SETD7: variants seen among roughly 807,000 people sequenced by gnomAD.
The protein encoded by SETD7 is histone-lysine N-methyltransferase SETD7.
SETD7 carries 16 observed loss-of-function variants against 41.8 expected under a neutral mutation model. The ratio of observed to expected loss-of-function variants is 0.38; its 90% CI spans 0.26 to 0.58. SETD7 has a LOEUF of 0.58. Ranked by LOEUF, SETD7 falls within the 20% of genes least tolerant of loss-of-function variation. The probability of loss-of-function intolerance (pLI) is 0.64; values close to 1 mark genes in which losing one functional copy is unlikely to be tolerated. For missense variants in SETD7, 346 were observed against 459.7 expected, an observed-to-expected ratio of 0.75 and a Z score of 2.26; for synonymous variants, 163 against 169.7, an observed-to-expected ratio of 0.96 and a Z score of 0.31.
chr4:139,507,433 G>C lies in SETD7; in HGVS notation c.*4230C>G, dbSNP rs1726739552. The C allele has an allele frequency of 6.6e-6, 1 of 152,586 alleles. No homozygotes were observed. The highest frequency in any genetic ancestry group is 1.5e-5 in the Non-Finnish European group (1 of 68,028). The allele number at this position is 152,586 out of a possible 1,614,324, so 9.5% of individuals were successfully genotyped here. ...AGAGTCAGAGTTATTGTAGGCTTTT[G>C]ATTTTTAAAAATCAAAATTGATCTG... On this transcript the variant is annotated 3_prime_UTR_variant, in exon 8 of 8. Transcript: ENST00000274031.
intron 3 of SETD7, chr4:139,532,697 TA>T (rs1273260414): frequency 5.8e-6 from 1 of 173,550 alleles, no homozygotes; most frequent in African/African-American, 2.4e-5. Flanking sequence ...TAAAATACCT[TA>T]AAAAGCAGTT....
intron 2 of SETD7, among the ~76,000 whole-genome samples, chr4:139,544,500 C>T (rs957071530): frequency 2.0e-5 from 3 of 152,004 alleles, no homozygotes; most frequent in African/African-American, 7.2e-5. Flanking sequence ...CTGGGGTAAG[C>T]GGATGAAGCT....
chr4:139,517,629 C>T (rs768899425), intron 7 of SETD7, among the ~76,000 whole-genome samples: 5 of 152,076 alleles, frequency 3.3e-5, no homozygotes, highest in African/African-American at 9.7e-5. Context: ...AAACAGCAAC[C>T]CCTCGGTGTG....
chr4:139,531,382 A>G (rs948672840), intron 3 of SETD7, among the ~76,000 whole-genome samples: 3 of 152,082 alleles, frequency 2.0e-5, no homozygotes, highest in Non-Finnish European at 4.4e-5. Context: ...TCCTATACTC[A>G]TCTCTATGTA....
chr4:139,510,019 G>T lies in SETD7; in HGVS notation c.*1644C>A. ...AATGTGCCCAAGGGCCACCTGAAAT[G>T]AAAGTCATGAGCAGCCTGGGATTAA... On this transcript the variant is annotated 3_prime_UTR_variant, in exon 8 of 8. Coordinates refer to ENST00000274031, the MANE Select transcript of SETD7 (RefSeq NM_030648.4). The T allele has an allele frequency of 3.3e-6, 1 of 303,718 alleles. No individual in the cohort carries two copies. The highest frequency in any genetic ancestry group is 4.8e-6 in the Non-Finnish European group (1 of 206,666). The allele number at this position is 303,718 out of a possible 1,614,324, so 18.8% of individuals were successfully genotyped here. A position where few individuals can be genotyped will look rare whatever the true frequency, so the allele number is the denominator to read the frequency against.
At chr4:139,513,409 G>C (rs1213933622) in intron 7 of SETD7, among the ~76,000 whole-genome samples, 2 of 143,884 alleles carry the variant, frequency 1.4e-5, no homozygotes, top group African/African-American at 5.1e-5. Flanking sequence ...GACAGAGTGA[G>C]ACTTTGTCTC....
chr4:139,519,527 G>A (rs754112083), intron 6 of SETD7, among the ~76,000 whole-genome samples: 3 of 152,162 alleles, frequency 2.0e-5, no homozygotes, highest in Non-Finnish European at 4.4e-5. Context: ...TGAATACGTC[G>A]CCCTCTTTTG....
intron 3 of SETD7, among the ~76,000 whole-genome samples, chr4:139,531,145 T>A (rs937757398): frequency 1.3e-5 from 2 of 152,210 alleles, no homozygotes; most frequent in Non-Finnish European, 2.9e-5. Context: ...TGCTCACCAA[T>A]GCTCCTTCCT....
chr4:139,499,579 C>T (rs1579194130), intron 7 of SETD7, among the ~76,000 whole-genome samples: 1 of 152,292 alleles, frequency 6.6e-6, no homozygotes, highest in East Asian at 1.9e-4. Context: ...ACTGATTCAG[C>T]TGCATGAAGA....
At chr4:139,532,166 G>A (rs1727498956) in intron 3 of SETD7, among the ~76,000 whole-genome samples, 1 of 152,124 alleles carries the variant, frequency 6.6e-6, no homozygotes, top group African/African-American at 2.4e-5. Flanking sequence ...TTCTAGCCAG[G>A]TGCAATGGCT....
chr4:139,501,590 T>A (rs980738877), downstream of SETD7, among the ~76,000 whole-genome samples: 8 of 148,024 alleles, frequency 5.4e-5, no homozygotes, highest in Non-Finnish European at 1.2e-4. Context: ...TGAAATATAT[T>A]TTTTAAAAAG....
At position 139,523,518 on chromosome 4, in the gene SETD7, G is replaced by A. The variant is rs924388462; in HGVS notation, c.563-83C>T. ...CACTTCTCTCTATTCATGGGACAACGAAGAGTTAAAAAACCAAAAATCTTA... is the reference window on the plus strand; with the variant it reads ...CACTTCTCTCTATTCATGGGACAACAAAGAGTTAAAAAACCAAAAATCTTA... On this transcript the variant is annotated intron_variant, in intron 4 of 7. Coordinates refer to ENST00000274031, the MANE Select transcript of SETD7 (RefSeq NM_030648.4). 36 of 1,035,030 alleles carry A rather than the reference G, an allele frequency of 3.5e-5. No individual in the cohort carries two copies. The Middle Eastern group carries it at 6.4e-4, about 18-fold the overall frequency. The allele number at this position is 1,035,030 out of a possible 1,614,324, so 64.1% of individuals were successfully genotyped here.
Position 139,546,934 on chromosome 4 carries a change from G to A in SETD7, c.156C>T (p.Phe52=). 6.2e-7 allele frequency: 1 copy of A among 1,614,200 alleles called. No homozygotes were observed. Among genetic ancestry groups the A allele is most frequent in the Non-Finnish European group, 8.5e-7 (1 of 1,180,034 alleles). ...GTGAGTGCTACCTGCCATCAAAGAA[G>A]AAGAACTTCCCCCGTCCGTTCTTTT... The part of the protein sequence containing the change: ...HGEKNGRGKF[F]FFDGSTLEGY... Residue 52 remains phenylalanine, a synonymous_variant, in exon 2 of 8, where the codon TTC becomes TTT. Transcript: ENST00000274031.
chr4:139,507,105 CG>C lies in SETD7; in HGVS notation c.*4557del, dbSNP rs1726723331. 4 of 152,812 alleles carry C rather than the reference CG, an allele frequency of 2.6e-5. No individual in the cohort carries two copies. The highest frequency in any genetic ancestry group is 9.6e-5 in the African/African-American group (4 of 41,588). The allele number at this position is 152,812 out of a possible 1,614,324, so 9.5% of individuals were successfully genotyped here. A position where few individuals can be genotyped will look rare whatever the true frequency, so the allele number is the denominator to read the frequency against. ...ACTCCACTGAGGGCAGCCTCCCTGA[CG>C]TGTGTGACTAGGCAGTAAGGGTGGC... On this transcript the variant is annotated 3_prime_UTR_variant, in exon 8 of 8. Coordinates refer to ENST00000274031, the MANE Select transcript of SETD7 (RefSeq NM_030648.4).
chr4:139,555,415 G>C lies in SETD7; in HGVS notation c.40+683C>G, dbSNP rs1728233747. On this transcript the variant is annotated intron_variant, in intron 1 of 7. Coordinates refer to ENST00000274031, the MANE Select transcript of SETD7 (RefSeq NM_030648.4). This position sits in a 1 kb window ranked among gnomAD's most constrained non-coding sequence, Gnocchi z 4.0. The stretch of plus-strand genomic sequence containing the variant: ...ATCCCAGCCAAGCAGGAAGGGGGAG[G>C]GGGAGGCCTGACTGAGTTCGCTCGG... 6.6e-6 allele frequency among the ~76,000 whole-genome samples: 1 copy of C among 152,024 alleles called. No homozygotes were observed. The highest frequency in any genetic ancestry group is 1.5e-5 in the Non-Finnish European group (1 of 68,002).
At chr4:139,538,086 A>G (rs1335860567) in intron 2 of SETD7, among the ~76,000 whole-genome samples, 1 of 152,232 alleles carries the variant, frequency 6.6e-6, no homozygotes, top group Non-Finnish European at 1.5e-5. Flanking sequence ...ACAGTTATGA[A>G]ACACTGAAAT....
rs570934110 is a variant in SETD7, at chr4:139,552,750, T to G, written c.40+3348A>C. Among the ~76,000 whole-genome samples the G allele has an allele frequency of 3.3e-5, 5 of 152,340 alleles. No individual in the cohort carries two copies. In the East Asian group the frequency reaches 9.6e-4, roughly 29 times the overall value. ...CACAAAGTTCCCCTCTCAACCTGACTCAGCTCTATGGCACCTCTTCTGGAA... is the reference window on the plus strand; with the variant it reads ...CACAAAGTTCCCCTCTCAACCTGACGCAGCTCTATGGCACCTCTTCTGGAA... On this transcript the variant is annotated intron_variant, in intron 1 of 7. Coordinates refer to ENST00000274031, the MANE Select transcript of SETD7 (RefSeq NM_030648.4).
intron 4 of SETD7, among the ~76,000 whole-genome samples, chr4:139,528,068 T>C (rs1228697924): frequency 2.0e-5 from 3 of 152,312 alleles, no homozygotes; most frequent in East Asian, 1.9e-4. Flanking sequence ...CAGAAATACA[T>C]GCATATATTG....
At chr4:139,496,353 T>G (rs1289256022) in exon 8 of SETD7, 1 of 701,626 alleles carries the variant, frequency 1.4e-6, no homozygotes, top group Non-Finnish European at 2.6e-6. Flanking sequence ...TTATCTTTTC[T>G]TAATTACTCA....
Sources: allele counts gnomAD v4.1 joint callset (sites outside exome capture counted in the v4.1 genomes callset), GRCh38; gene constraint gnomAD v4.1.1; non-coding constraint Gnocchi (gnomAD v3.1); transcripts MANE v1.5; gene names NCBI Gene and HGNC (gene_info 2026-07-23, HGNC 2026-07-21).